PTK7: variants seen among roughly 807,000 people sequenced by gnomAD.
PTK7 encodes the protein protein tyrosine kinase 7 (inactive).
PTK7 carries 39 observed loss-of-function variants against 116.6 expected under a neutral mutation model. The observed-to-expected ratio is 0.33, with a 90% CI of 0.26 to 0.44. The LOEUF (loss-of-function observed/expected upper bound fraction) is 0.44. PTK7 is among the 20% of genes least tolerant of loss of function. The pLI is 1.00. For missense variants in PTK7, 1,169 were observed against 1,425.6 expected (o/e 0.82, Z 2.90); for synonymous variants, 546 against 563.6 (o/e 0.97, Z 0.44).
rs767634504 is a variant in PTK7 at position 43,130,316 on chromosome 6, C to T, written c.557C>T (p.Thr186Met). ...HTVSSKERNL[T>M]LRPAGPEHSG... Reference sequence around the variant, plus strand: ...GTCAGCAGCAAGGAGCGGAACCTGACGCTCCGGCCAGCTGGTCCTGAGCAT... The same window carrying T: ...GTCAGCAGCAAGGAGCGGAACCTGATGCTCCGGCCAGCTGGTCCTGAGCAT... The change falls in exon 4 of 20, where the codon ACG becomes ATG. Residue 186 changes from threonine (T) to methionine (M), a missense_variant. By Grantham distance (81) the Thr-to-Met change is moderately conservative (BLOSUM62 -1). This residue lies in a region of PTK7 where 487 missense variants were observed against 549.8 expected (regional missense o/e 0.89). Transcript: ENST00000230419. The T allele has an allele frequency of 1.2e-4, 189 of 1,612,422 alleles. No individual in the cohort carries two copies. Among genetic ancestry groups the T allele is most frequent in the Non-Finnish European group, 1.5e-4 (176 of 1,179,148 alleles).
rs752858528 is a variant in PTK7 at position 43,129,864 on chromosome 6, A to T, written c.470+35A>T. 2.5e-6 allele frequency: 4 copies of T among 1,590,532 alleles called. No individual in the cohort carries two copies. The Admixed American group carries it at 6.7e-5, about 27-fold the overall frequency. The stretch of plus-strand genomic sequence containing the variant: ...CAGGGAGGTGGGGATGAAGAGGGTT[A>T]TTCCGGACAGGGATGTCTCCCCAAA... On this transcript the variant is annotated intron_variant, in intron 3 of 19. Transcript: ENST00000230419. This position sits in a 1 kb window ranked among gnomAD's most constrained non-coding sequence, Gnocchi z 4.5.
intron 7 of PTK7, 140 bp from the exon 8 acceptor site, chr6:43,138,708 TA>T: frequency 8.0e-7 from 1 of 1,243,938 alleles, no homozygotes; most frequent in Non-Finnish European, 1.1e-6. Flanking sequence ...GGGTCTTCCG[TA>T]AAGGGAAACT....
chr6:43,090,558 T>C lies in PTK7; in HGVS notation c.79+13991T>C, dbSNP rs565287268. ...ATAGAGGGTTTATGGTTAGGTGGGT[T>C]GTACAAAGACCCTAGCCAGGTCTCC... On this transcript the variant is annotated intron_variant, in intron 1 of 19. Coordinates refer to ENST00000230419, the MANE Select transcript of PTK7 (RefSeq NM_002821.5). Among the ~76,000 whole-genome samples, 3 of 152,286 alleles carry C rather than the reference T, an allele frequency of 2.0e-5. No homozygotes were observed. The South Asian group carries it at 6.2e-4, about 32-fold the overall frequency.
At position 43,130,221 on chromosome 6, in the gene PTK7, G is replaced by A. The variant is rs555515169; in HGVS notation, c.471-9G>A. The stretch of plus-strand genomic sequence containing the variant: ...CTCCCCACCACTGCTGACTGTGTCT[G>A]CCCTGCAGGCCCACCTACCAATGGT... On this transcript the variant is annotated splice_polypyrimidine_tract_variant and intron_variant, in intron 3 of 19. Transcript: ENST00000230419. 3 of 1,562,126 alleles carry A rather than the reference G, an allele frequency of 1.9e-6. No homozygotes were observed. Among genetic ancestry groups the A allele is most frequent in the African/African-American group, 1.3e-5 (1 of 74,132 alleles).
At chr6:43,120,597 T>G (rs1015076033) in intron 1 of PTK7, among the ~76,000 whole-genome samples, 1 of 152,186 alleles carries the variant, frequency 6.6e-6, no homozygotes, top group Non-Finnish European at 1.5e-5. Context: ...CTGCATTTAC[T>G]AAGTGGGCTC....
intron 14 of PTK7, among the ~76,000 whole-genome samples, chr6:43,144,023 T>C (rs1412631637): frequency 6.6e-6 from 1 of 152,206 alleles, no homozygotes; most frequent in Non-Finnish European, 1.5e-5. Context: ...TGGGAGCTCC[T>C]TGAGGTCATT....
chr6:43,085,944 A>C (rs994584149), intron 1 of PTK7, among the ~76,000 whole-genome samples: 2 of 150,266 alleles, frequency 1.3e-5, no homozygotes, highest in East Asian at 2.0e-4. Context: ...AAAAAAAAAA[A>C]AAAAAAAAAA....
At position 43,158,691 on chromosome 6, in the gene PTK7, T is replaced by C. The variant is rs1771660088; in HGVS notation, c.2722-126T>C. On this transcript the variant is annotated intron_variant, in intron 17 of 19. Coordinates refer to ENST00000230419, the MANE Select transcript of PTK7 (RefSeq NM_002821.5). ...ATTTTACAGAGAAGGAAGCTGAGGC[T>C]GTTGTGCTTCTGGGCTTCCTACGCA... The C allele has an allele frequency of 5.1e-6, 5 of 977,182 alleles. No individual in the cohort carries two copies. The South Asian group carries it at 8.3e-5, about 16-fold the overall frequency. The allele number at this position is 977,182 out of a possible 1,614,324, so 60.5% of individuals were successfully genotyped here. A position where few individuals can be genotyped will look rare whatever the true frequency, so the allele number is the denominator to read the frequency against.
chr6:43,135,754 C>T (rs1769996316), intron 7 of PTK7, among the ~76,000 whole-genome samples: 1 of 152,224 alleles, frequency 6.6e-6, no homozygotes, highest in African/African-American at 2.4e-5. Context: ...AGGACTTTGG[C>T]TTCGGCATCA....
intron 1 of PTK7, among the ~76,000 whole-genome samples, chr6:43,108,445 G>T (rs1295204189): frequency 6.6e-6 from 1 of 150,666 alleles, no homozygotes; most frequent in Admixed American, 6.7e-5. Flanking sequence ...TGTTGCCCAG[G>T]CTGGAGTGCA....
In PTK7 at chr6:43,147,719, G is replaced by T. The variant is rs977899454; in HGVS notation, c.2721+1021G>T. On this transcript the variant is annotated intron_variant, in intron 17 of 19. Transcript: ENST00000230419. ...AAGCAGCTCTGTGCCCTTCAGGCTG[G>T]CCCCCTCTTATTACATGTGAATTTA... Among the ~76,000 whole-genome samples, 3 of 152,174 alleles carry T rather than the reference G, an allele frequency of 2.0e-5. No individual in the cohort carries two copies. The South Asian group carries it at 6.2e-4, about 31-fold the overall frequency.
intron 5 of PTK7, 188 bp from the exon 6 acceptor site, chr6:43,131,828 C>T (rs1011110662): frequency 7.0e-6 from 5 of 718,946 alleles, no homozygotes; most frequent in Non-Finnish European, 1.2e-5. Flanking sequence ...CACACACCTG[C>T]ACGTGCACCT....
rs763772683 is a variant in PTK7 at position 43,139,204 on chromosome 6, A to C, written c.1431A>C (p.Thr477=). The C allele has an allele frequency of 6.2e-7, 1 of 1,614,218 alleles. No individual in the cohort carries two copies. The highest frequency in any genetic ancestry group is 1.7e-5 in the Admixed American group (1 of 60,028). Residue 477 remains threonine (T), a synonymous_variant, in exon 9 of 20, where the codon ACA becomes ACC. Transcript: ENST00000230419. This position sits in a 1 kb window ranked among gnomAD's most constrained non-coding sequence, Gnocchi z 4.6. ...ACAGCGTGGAGGTGTATGATGGGAC[A>C]TGGTACCGTTGTATGAGCAGCACCC... The part of the protein sequence containing the change: ...RINSVEVYDG[T]WYRCMSSTPA...
rs1769507373 is a variant in PTK7 at position 43,129,286 on chromosome 6, C to CCCAGT, written c.367+25_367+29dup. 2.5e-6 allele frequency: 4 copies of CCCAGT among 1,613,254 alleles called. No homozygotes were observed. On this transcript the variant is annotated intron_variant, in intron 2 of 19. Coordinates refer to ENST00000230419, the MANE Select transcript of PTK7 (RefSeq NM_002821.5). This position sits in a 1 kb window ranked among gnomAD's most constrained non-coding sequence, Gnocchi z 4.5. Reference sequence around the variant, plus strand: ...AAATGTGAGAGCCAGGGGGGCTGTGCCCAGTCCCCCTGTCAGACCCTCAAT... The same window carrying CCCAGT: ...AAATGTGAGAGCCAGGGGGGCTGTGCCCAGTCCAGTCCCCCTGTCAGACCCTCAAT...
chr6:43,150,925 C>G (rs113915560), intron 17 of PTK7, among the ~76,000 whole-genome samples: 2 of 149,150 alleles, frequency 1.3e-5, no homozygotes, highest in East Asian at 2.0e-4. Context: ...GCTCTTCAAG[C>G]GATTCTCCTG....
At position 43,129,448 on chromosome 6, in the gene PTK7, A is replaced by T. The variant is rs1769521403; in HGVS notation, c.367+184A>T. ...AATTAAAAGTTATATTTTTTCCAAA[A>T]TTTTTTCCTTCAAGTCTGGGACCCA... On this transcript the variant is annotated intron_variant, in intron 2 of 19. Transcript: ENST00000230419. The surrounding 1 kb of genome is among the most constrained non-coding windows in gnomAD (Gnocchi z 4.5). 2.0e-5 allele frequency: 19 copies of T among 956,798 alleles called. No homozygotes were observed. The highest frequency in any genetic ancestry group is 2.7e-5 in the Non-Finnish European group (18 of 659,986). The allele number at this position is 956,798 out of a possible 1,614,324, so 59.3% of individuals were successfully genotyped here. A position where few individuals can be genotyped will look rare whatever the true frequency, so the allele number is the denominator to read the frequency against.
chr6:43,111,060 C>A (rs1399779638), intron 1 of PTK7, among the ~76,000 whole-genome samples: 1 of 152,216 alleles, frequency 6.6e-6, no homozygotes, highest in African/African-American at 2.4e-5. Flanking sequence ...CCCAGATAGG[C>A]TCACTCTGAT....
chr6:43,161,200 G>A lies in PTK7; in HGVS notation c.*319G>A, dbSNP rs1330905009. 1.1e-5 allele frequency: 3 copies of A among 268,632 alleles called. No homozygotes were observed. In the South Asian group the frequency reaches 2.4e-4, roughly 21 times the overall value. The allele number at this position is 268,632 out of a possible 1,614,324, so 16.6% of individuals were successfully genotyped here. A position where few individuals can be genotyped will look rare whatever the true frequency, so the allele number is the denominator to read the frequency against. ...GCCTTCAACTTCTCCCCTTGACCGG[G>A]TCCAACTCTGCCACTCATCTGCCAA... On this transcript the variant is annotated 3_prime_UTR_variant, in exon 20 of 20. Coordinates refer to ENST00000230419, the MANE Select transcript of PTK7 (RefSeq NM_002821.5).
chr6:43,080,985 C>T (rs1265964062), intron 1 of PTK7, among the ~76,000 whole-genome samples: 1 of 151,692 alleles, frequency 6.6e-6, no homozygotes, highest in East Asian at 1.9e-4. Context: ...ACAGCCCTTT[C>T]TTGGTCTTCC....
Sources: gnomAD v4.1 joint callset for allele counts (sites outside exome capture counted in the v4.1 genomes callset) on GRCh38, gnomAD v4.1.1 for gene constraint, gnomAD v4.1.1 regional missense constraint, Gnocchi (gnomAD v3.1) non-coding constraint, MANE v1.5 for transcripts, NCBI Gene and HGNC (gene_info 2026-07-23, HGNC 2026-07-21) for gene names.